EBF1: variants seen among roughly 807,000 people sequenced by gnomAD.
EBF1 encodes transcription factor COE1.
EBF1 carries 10 observed loss-of-function variants against 68.4 expected under a neutral mutation model. The ratio of observed to expected loss-of-function variants is 0.15; its 90% CI spans 0.09 to 0.25. EBF1 has a LOEUF of 0.25. EBF1 is among the 10% of genes least tolerant of loss of function. The pLI, the probability that EBF1 is intolerant of heterozygous loss-of-function variation, is 1.00. For missense variants in EBF1, 509 were observed against 794.4 expected (o/e 0.64, Z 4.32); for synonymous variants, 298 against 299.8 (o/e 0.99, Z 0.06).
intron 8 of EBF1, among the ~76,000 whole-genome samples, chr5:158,809,681 A>C (rs560826278): frequency 1.1e-4 from 17 of 152,304 alleles, no homozygotes; most frequent in African/African-American, 3.8e-4. Flanking sequence ...AAATACAGGA[A>C]CATTGAAAAT....
chr5:158,847,624 C>T (rs919320851), intron 6 of EBF1, among the ~76,000 whole-genome samples: 3 of 152,164 alleles, frequency 2.0e-5, no homozygotes, highest in African/African-American at 7.2e-5. Flanking sequence ...TACTCAAATG[C>T]CAAGTGTTTC....
intron 6 of EBF1, among the ~76,000 whole-genome samples, chr5:159,042,860 TAA>T (rs35868531): frequency 2.4e-4 from 36 of 147,940 alleles, no homozygotes; most frequent in African/African-American, 3.2e-4. Flanking sequence ...ACATTCACAG[TAA>T]AAAAAAAAAA....
chr5:158,995,757 T>C (rs908446015), intron 6 of EBF1, among the ~76,000 whole-genome samples: 1 of 152,170 alleles, frequency 6.6e-6, no homozygotes, highest in Non-Finnish European at 1.5e-5. Flanking sequence ...ATGATAAAAA[T>C]CTCAGTTCCT....
intron 6 of EBF1, among the ~76,000 whole-genome samples, chr5:159,019,570 T>C (rs1208820305): frequency 6.6e-6 from 1 of 152,242 alleles, no homozygotes; most frequent in Non-Finnish European, 1.5e-5. Context: ...TTCTCCAAAG[T>C]GTTTTATATC....
intron 6 of EBF1, among the ~76,000 whole-genome samples, chr5:159,008,606 G>C (rs147547603): frequency 7.4e-5 from 11 of 149,274 alleles, no homozygotes; most frequent in Non-Finnish European, 1.3e-4. Flanking sequence ...ACTCACTGCA[G>C]CCTCAGCCTC....
chr5:159,010,203 C>T (rs113539846), intron 6 of EBF1, among the ~76,000 whole-genome samples: 9 of 152,238 alleles, frequency 5.9e-5, no homozygotes, highest in African/African-American at 2.2e-4. Flanking sequence ...GTCACGATAT[C>T]CTCGCAGATG....
At chr5:159,058,970 A>G (rs907240862) in intron 6 of EBF1, among the ~76,000 whole-genome samples, 1 of 152,142 alleles carries the variant, frequency 6.6e-6, no homozygotes, top group Non-Finnish European at 1.5e-5. Context: ...ATAACCCCCA[A>G]ATCCTTGACA....
At chr5:158,716,684 G>T (rs1048288870) in intron 11 of EBF1, among the ~76,000 whole-genome samples, 2 of 152,170 alleles carry the variant, frequency 1.3e-5, no homozygotes, top group Non-Finnish European at 2.9e-5. Context: ...TAGTGCAATG[G>T]ACCTGCAAAC....
chr5:158,872,448 C>T (rs1210986073), intron 6 of EBF1, among the ~76,000 whole-genome samples: 2 of 152,292 alleles, frequency 1.3e-5, no homozygotes, highest in Non-Finnish European at 1.5e-5. Context: ...GATCCACCAG[C>T]CTTGGCATCC....
At chr5:158,933,841 C>T (rs763184337) in intron 6 of EBF1, among the ~76,000 whole-genome samples, 1 of 152,154 alleles carries the variant, frequency 6.6e-6, no homozygotes, top group Non-Finnish European at 1.5e-5. Context: ...CACCCCAAAA[C>T]AAAAGAACCC....
intron 6 of EBF1, among the ~76,000 whole-genome samples, chr5:158,844,601 G>A (rs985866490): frequency 6.6e-6 from 1 of 152,174 alleles, no homozygotes; most frequent in Non-Finnish European, 1.5e-5. Context: ...CACATAGTTA[G>A]TAATGAATAT....
chr5:158,856,592 AAAT>A (rs3034277), intron 6 of EBF1, among the ~76,000 whole-genome samples: 23,218 of 152,056 alleles, frequency 0.15, 1,829 homozygotes, highest in Non-Finnish European at 0.18. Context: ...GGCTTTAGAA[AAAT>A]AATAATGAGT....
At chr5:158,795,475 C>T (rs566487988) in intron 9 of EBF1, among the ~76,000 whole-genome samples, 17 of 152,320 alleles carry the variant, frequency 1.1e-4, no homozygotes, top group African/African-American at 3.6e-4. Flanking sequence ...GTTAGGATGA[C>T]TACATGCTTA....
chr5:159,016,744 G>T (rs542511971), intron 6 of EBF1, among the ~76,000 whole-genome samples: 1 of 152,178 alleles, frequency 6.6e-6, no homozygotes, highest in East Asian at 1.9e-4. Flanking sequence ...AGCTCAAAGC[G>T]TGAGATCCAT....
rs11366010 is a variant in EBF1 at position 158,902,419 on chromosome 5, CTT to C, written c.555-62311_555-62310del. ...TAGGCCCAAAAGCCTGCTTCTTTTT[CTT>C]TTTTTTTTTTTTCTTCTAGAAATAG... On this transcript the variant is annotated intron_variant, in intron 6 of 15. Coordinates refer to ENST00000313708, the MANE Select transcript of EBF1 (RefSeq NM_024007.5). 7.7e-4 allele frequency among the ~76,000 whole-genome samples: 110 copies of C among 142,784 alleles called. 1 individual carries two copies. Among genetic ancestry groups the C allele is most frequent in the Admixed American group, 1.4e-3 (20 of 14,424 alleles). 93.7% of individuals were successfully genotyped at this position (142,784 alleles called of 152,430 possible).
At chr5:158,888,994 C>A (rs1800616436) in intron 6 of EBF1, among the ~76,000 whole-genome samples, 1 of 152,132 alleles carries the variant, frequency 6.6e-6, no homozygotes, top group Admixed American at 6.5e-5. Context: ...TGCTCCCATC[C>A]CATCCATGTA....
At chr5:158,818,010 G>A (rs1191966982) in intron 8 of EBF1, among the ~76,000 whole-genome samples, 2 of 152,182 alleles carry the variant, frequency 1.3e-5, no homozygotes, top group Non-Finnish European at 2.9e-5. Flanking sequence ...CCTGCAGAAA[G>A]TCATGTGCCA....
chr5:158,778,275 T>G (rs1775717154), intron 9 of EBF1, among the ~76,000 whole-genome samples: 1 of 152,174 alleles, frequency 6.6e-6, no homozygotes, highest in African/African-American at 2.4e-5. Flanking sequence ...ACTCTTATCT[T>G]TGTTTACATA....
intron 6 of EBF1, among the ~76,000 whole-genome samples, chr5:158,849,858 C>G (rs1005814422): frequency 6.6e-6 from 1 of 152,142 alleles, no homozygotes; most frequent in Non-Finnish European, 1.5e-5. Context: ...GATGTTGGCC[C>G]CATTCTACAA....
Sources: gnomAD v4.1 joint callset for allele counts (sites outside exome capture counted in the v4.1 genomes callset) on GRCh38, gnomAD v4.1.1 for gene constraint, MANE v1.5 for transcripts, NCBI Gene and HGNC (gene_info 2026-07-23, HGNC 2026-07-21) for gene names.